The following COL26A1 variants were observed in gnomAD, a reference collection of about 807,000 sequenced individuals.
The protein encoded by COL26A1 is collagen alpha-1(XXVI) chain.
Under a neutral mutation model 59.3 loss-of-function variants are expected in COL26A1, and 41 were observed. The ratio of observed to expected loss-of-function variants is 0.69; its 90% CI spans 0.54 to 0.90. The LOEUF (loss-of-function observed/expected upper bound fraction) is 0.90. COL26A1 is among the 40% of genes least tolerant of loss of function. The pLI is 0.00. For synonymous variants in COL26A1, 266 were observed against 256.0 expected (o/e 1.04, Z -0.37); for missense variants, 612 against 602.3 (o/e 1.02, Z -0.17).
intron 3 of COL26A1, among the ~76,000 whole-genome samples, chr7:101,517,036 GC>G (rs1163142423): frequency 6.6e-6 from 1 of 152,106 alleles, no homozygotes; most frequent in Non-Finnish European, 1.5e-5. Context: ...ACTGCCTCCT[GC>G]CAGGAAAGGT....
At position 101,447,767 on chromosome 7, in the gene COL26A1, C is replaced by T. The variant is rs1474159522; in HGVS notation, c.365C>T (p.Thr122Ile). ...VLEWRCCPGFTGSNCDEECMN... is the reference protein window; with the variant it reads ...VLEWRCCPGFIGSNCDEECMN... ...GAGTGGAGATGCTGCCCTGGCTTCA[C>T]CGGGAGCAACTGTGATGAGGGTAAG... Residue 122 changes from threonine to isoleucine, a missense_variant, in exon 3 of 13, where the codon ACC becomes ATC. Transcript: ENST00000313669. The T allele has an allele frequency of 6.2e-7, 1 of 1,602,558 alleles. No homozygotes were observed. Among genetic ancestry groups the T allele is most frequent in the Non-Finnish European group, 8.5e-7 (1 of 1,174,662 alleles).
Position 101,402,660 on chromosome 7 carries a change from T to TCCC in COL26A1, c.159-17317_159-17316insCCC, listed in dbSNP as rs1562963941. ...TCCCCTCCCTCCCTTCCTTCCTTCC[T>TCCC]TCCCTCCCTCCCTCCTTCCCTCCCT... On this transcript the variant is annotated intron_variant, in intron 1 of 12. Transcript: ENST00000313669. Among the ~76,000 whole-genome samples, 676 of 111,196 alleles carry TCCC rather than the reference T, an allele frequency of 6.1e-3. 9 individuals carry two copies. Among genetic ancestry groups the TCCC allele is most frequent in the African/African-American group, 0.024 (643 of 27,298 alleles). The allele number at this position is 111,196 out of a possible 152,430, so 72.9% of individuals were successfully genotyped here.
chr7:101,529,010 A>T (rs1220445253), intron 3 of COL26A1, among the ~76,000 whole-genome samples: 2 of 152,012 alleles, frequency 1.3e-5, no homozygotes, highest in East Asian at 2.0e-4. Context: ...TACTAAAAAT[A>T]CAAAAATTAG....
chr7:101,363,721 C>G (rs1349852437), intron 1 of COL26A1, among the ~76,000 whole-genome samples: 3 of 151,952 alleles, frequency 2.0e-5, no homozygotes, highest in African/African-American at 7.3e-5. Flanking sequence ...CTTCCCCAAC[C>G]TTCGCCCCCT....
At chr7:101,458,655 A>AAG (rs1031488556) in intron 3 of COL26A1, among the ~76,000 whole-genome samples, 1 of 151,952 alleles carries the variant, frequency 6.6e-6, no homozygotes, top group Non-Finnish European at 1.5e-5. Flanking sequence ...TGTCTCCAAA[A>AAG]AAAAAAGAAA....
rs558239618 is a variant in COL26A1, at chr7:101,548,970, G to A, written c.941-201G>A. Among the ~76,000 whole-genome samples, 33 of 152,326 alleles carry A rather than the reference G, an allele frequency of 2.2e-4. 1 individual carries two copies. The Middle Eastern group carries it at 0.01, about 47-fold the overall frequency. ...CCTGGGAGGAGGAGGTGTGGGAGCT[G>A]TGGGCAGCCGGTGGAGAGGACCCTG... On this transcript the variant is annotated intron_variant, in intron 8 of 12. Coordinates refer to ENST00000313669, the MANE Select transcript of COL26A1 (RefSeq NM_001278563.3).
chr7:101,465,624 G>C (rs369342018), intron 3 of COL26A1, among the ~76,000 whole-genome samples: 4 of 150,274 alleles, frequency 2.7e-5, no homozygotes, highest in East Asian at 2.0e-4. Context: ...AACCCAGGGG[G>C]CAGAGGTTGA....
At chr7:101,420,130 C>T (rs773128712) in intron 2 of COL26A1, 31 bp downstream of exon 2, 3 of 1,608,346 alleles carry the variant, frequency 1.9e-6, no homozygotes, top group East Asian at 2.2e-5. Context: ...CTGCTCTGCC[C>T]TTCCCTCCCA....
chr7:101,481,729 G>A (rs1794161146), intron 3 of COL26A1, among the ~76,000 whole-genome samples: 1 of 151,266 alleles, frequency 6.6e-6, no homozygotes, highest in Non-Finnish European at 1.5e-5. Flanking sequence ...GGGATTACAT[G>A]CATGAGCCAC....
chr7:101,489,656 TCTTTCTTCCTTCCTTCCTTCCTTC>T lies in COL26A1; in HGVS notation c.385+41877_385+41900del, dbSNP rs1211053341. 6.3e-3 allele frequency among the ~76,000 whole-genome samples: 425 copies of T among 67,376 alleles called. 36 individuals carry two copies. Among genetic ancestry groups the T allele is most frequent in the African/African-American group, 0.011 (89 of 7,920 alleles). 44.2% of individuals were successfully genotyped at this position (67,376 alleles called of 152,430 possible). ...TTCTTTCTTTCTTTCTTTCTTTCTTTCTTTCTTCCTTCCTTCCTTCCTTCCTTTCTTTCTTTCTTTCTGTCTTTC... is the reference window on the plus strand; with the variant it reads ...TTCTTTCTTTCTTTCTTTCTTTCTTTCTTTCTTTCTTTCTTTCTGTCTTTC... On this transcript the variant is annotated intron_variant, in intron 3 of 12. Transcript: ENST00000313669.
chr7:101,528,509 C>T (rs939323170), intron 3 of COL26A1, among the ~76,000 whole-genome samples: 2 of 150,826 alleles, frequency 1.3e-5, no homozygotes, highest in Admixed American at 6.6e-5. Flanking sequence ...TCCCTTCCCT[C>T]CCCTTCCCTC....
chr7:101,527,494 ATT>A (rs35889525), intron 3 of COL26A1, among the ~76,000 whole-genome samples: 1 of 144,016 alleles, frequency 6.9e-6, no homozygotes, highest in African/African-American at 2.6e-5. Context: ...CGTCCAGCTG[ATT>A]TTTTTTTTTT....
chr7:101,409,784 G>A (rs961401974), intron 1 of COL26A1, among the ~76,000 whole-genome samples: 10 of 151,980 alleles, frequency 6.6e-5, no homozygotes, highest in East Asian at 1.9e-4. Flanking sequence ...TTTTTGAGAC[G>A]GAGTCTCGCT....
At chr7:101,499,614 G>T (rs1315207207) in intron 3 of COL26A1, among the ~76,000 whole-genome samples, 1 of 152,136 alleles carries the variant, frequency 6.6e-6, no homozygotes, top group Admixed American at 6.5e-5. Flanking sequence ...AACCTGGGAG[G>T]TGGAGGTTAC....
intron 1 of COL26A1, among the ~76,000 whole-genome samples, chr7:101,397,540 CT>C (rs1333632864): frequency 2.6e-5 from 3 of 115,204 alleles, no homozygotes; most frequent in South Asian, 3.5e-4. Flanking sequence ...CTCCCCCCCC[CT>C]CCTTTTTTTT....
Position 101,363,170 on chromosome 7 carries a change from CAGCGGCTACGCG to C in COL26A1, c.142_153del (p.Gly48_Ser51del). 6.6e-7 allele frequency: 1 copy of C among 1,503,968 alleles called. No individual in the cohort carries two copies. Among genetic ancestry groups the C allele is most frequent in the East Asian group, 2.7e-5 (1 of 36,640 alleles). The allele number at this position is 1,503,968 out of a possible 1,614,324, so 93.2% of individuals were successfully genotyped here. ...CCGAGCCCGGCGCCGGCTCCCCTGGCAGCGGCTACGCGAGCCGCCGGTGAGTAGCTCGGGGCC... is the reference window on the plus strand; with the variant it reads ...CCGAGCCCGGCGCCGGCTCCCCTGGCAGCCGCCGGTGAGTAGCTCGGGGCC... On this transcript the variant is annotated inframe_deletion, in exon 1 of 13. Transcript: ENST00000313669.
rs192350849 is a variant in COL26A1 at position 101,482,384 on chromosome 7, C to G, written c.385+34597C>G. On this transcript the variant is annotated intron_variant, in intron 3 of 12. Coordinates refer to ENST00000313669, the MANE Select transcript of COL26A1 (RefSeq NM_001278563.3). ...TTGAAAATAAAATAGCCCATTTTCTCTCACTGTAAGTTGCAATCTTTAATT... is the reference window on the plus strand; with the variant it reads ...TTGAAAATAAAATAGCCCATTTTCTGTCACTGTAAGTTGCAATCTTTAATT... 7.9e-5 allele frequency among the ~76,000 whole-genome samples: 12 copies of G among 152,310 alleles called. No homozygotes were observed. In the East Asian group the frequency reaches 2.1e-3, roughly 27 times the overall value.
chr7:101,391,815 A>G (rs1562959789), intron 1 of COL26A1, among the ~76,000 whole-genome samples: 2 of 152,098 alleles, frequency 1.3e-5, no homozygotes, highest in Non-Finnish European at 2.9e-5. Context: ...TCGGTCTTCC[A>G]AAGTGCTGGG....
intron 3 of COL26A1, among the ~76,000 whole-genome samples, chr7:101,460,942 C>G (rs1361529833): frequency 1.3e-5 from 2 of 152,112 alleles, no homozygotes; most frequent in African/African-American, 4.8e-5. Flanking sequence ...GCGGCCAGGT[C>G]TCTGCCCTGC....
Sources: allele counts gnomAD v4.1 joint callset (sites outside exome capture counted in the v4.1 genomes callset), GRCh38; gene constraint gnomAD v4.1.1; transcripts MANE v1.5; gene names NCBI Gene and HGNC (gene_info 2026-07-23, HGNC 2026-07-21).